The following FCGR3A variants were observed in gnomAD, a reference collection of about 807,000 sequenced individuals.
FCGR3A encodes Fc gamma receptor IIIa, also known as low affinity immunoglobulin gamma Fc region receptor III-A.
FCGR3A carries 13 observed loss-of-function variants against 24.1 expected under a neutral mutation model. The observed-to-expected ratio is 0.54, with a 90% confidence interval of 0.35 to 0.86. The LOEUF (loss-of-function observed/expected upper bound fraction) is 0.86. Ranked by LOEUF, FCGR3A falls within the 40% of genes least tolerant of loss-of-function variation. The pLI, the probability that FCGR3A is intolerant of heterozygous loss-of-function variation, is 0.01. For synonymous variants in FCGR3A, 93 were observed against 112.2 expected (o/e 0.83, Z 1.08); for missense variants, 235 against 298.0 (o/e 0.79, Z 1.56).
chr1:161,550,005 G>A (rs1392391687), upstream of FCGR3A: 1 of 744,798 alleles, frequency 1.3e-6, no homozygotes, highest in South Asian at 1.9e-5. Flanking sequence ...CTGTGGCTGA[G>A]CATCTGAGGA....
In FCGR3A at chr1:161,542,911, C is replaced by G; in HGVS notation, c.*101G>C. On this transcript the variant is annotated 3_prime_UTR_variant, in exon 5 of 5. Transcript: ENST00000443193. ...GATCTGGCTCTGAGTTCTATGTTTC[C>G]TGCTGCTTGTAGAGAGGCCTGAGGA... 1.1e-6 allele frequency: 1 copy of G among 908,752 alleles called. No individual in the cohort carries two copies. Among genetic ancestry groups the G allele is most frequent in the Non-Finnish European group, 1.7e-6 (1 of 596,024 alleles). 56.3% of individuals were successfully genotyped at this position (908,752 alleles called of 1,614,324 possible). A position where few individuals can be genotyped will look rare whatever the true frequency, so the allele number is the denominator to read the frequency against.
At chr1:161,550,072 TC>T (rs1344910671), upstream of FCGR3A, 6 of 593,656 alleles carry the variant, frequency 1.0e-5, no homozygotes, top group Non-Finnish European at 1.8e-5. Flanking sequence ...TTGCCCCATC[TC>T]CTGGATTTGG....
chr1:161,541,944 C>G lies in FCGR3A; in HGVS notation c.*1068G>C, dbSNP rs1309100716. On this transcript the variant is annotated 3_prime_UTR_variant, in exon 5 of 5. Coordinates refer to ENST00000443193, the MANE Select transcript of FCGR3A (RefSeq NM_000569.8). ...TCCATCCCCACCTCATTGGAACTGA[C>G]ATGATGAAGGATTTGAAAGTTTCAT... The G allele has an allele frequency of 6.6e-6, 1 of 152,200 alleles. No homozygotes were observed. Among genetic ancestry groups the G allele is most frequent in the African/African-American group, 2.4e-5 (1 of 41,386 alleles). 9.4% of individuals were successfully genotyped at this position (152,200 alleles called of 1,614,324 possible).
intron 1 of FCGR3A, 108 bp from the exon 2 acceptor site, chr1:161,549,139 A>G (rs1677618721): frequency 3.3e-6 from 3 of 900,832 alleles, no homozygotes; most frequent in East Asian, 2.6e-5. Context: ...CAGGAGCCCA[A>G]TTTTCCCAAG....
chr1:161,549,572 A>C, intron 1 of FCGR3A, 125 bp downstream of exon 1: 1 of 1,481,658 alleles, frequency 6.7e-7, no homozygotes, highest in South Asian at 1.4e-5. Flanking sequence ...AGCTCAATCC[A>C]CAGCTATAGA....
Position 161,543,027 on chromosome 1 carries a change from G to T in FCGR3A, c.750C>A (p.Asp250Glu), listed in dbSNP as rs1203281600. 8 of 1,611,928 alleles carry T rather than the reference G, an allele frequency of 5.0e-6. No individual in the cohort carries two copies. The highest frequency in any genetic ancestry group is 5.9e-6 in the Non-Finnish European group (7 of 1,178,850). ...GGGATGGGGGTCATTTGTCTTGAGG[G>T]TCCTTTCTCCATTTAAATTTATGGT... is the stretch of plus-strand genomic sequence containing the variant. ...WKDHKFKWRK[D>E]PQDK Residue 250 changes from aspartate (D) to glutamate (E), a missense_variant, in exon 5 of 5, where the codon GAC (aspartate) becomes GAA (glutamate). Physicochemically the swap from Asp to Glu is conservative, Grantham distance 45. Transcript: ENST00000443193.
At position 161,548,530 on chromosome 1, in the gene FCGR3A, C is replaced by T. The variant is rs1677562934; in HGVS notation, c.210G>A (p.Gln70=). ...CAGCGTCAATGAAGTAGCTCGAGGC[C>T]TGGCTTGAGATGAGGCTCTCATTGT... The part of the protein sequence containing the change: ...WFHNESLISS[Q]ASSYFIDAAT... Residue 70 remains glutamine, a synonymous_variant, in exon 3 of 5, where the codon CAG becomes CAA. Coordinates refer to ENST00000443193, the MANE Select transcript of FCGR3A (RefSeq NM_000569.8). 6.2e-7 allele frequency: 1 copy of T among 1,614,026 alleles called. No homozygotes were observed. The highest frequency in any genetic ancestry group is 8.5e-7 in the Non-Finnish European group (1 of 1,179,876).
At chr1:161,549,941 G>C, upstream of FCGR3A, 1 of 1,440,624 alleles carries the variant, frequency 6.9e-7, no homozygotes, top group Non-Finnish European at 9.4e-7. Flanking sequence ...GACCAGGAAG[G>C]AAAGAGCCTG....
At chr1:161,545,031 C>T (rs560683581) in intron 3 of FCGR3A, 73 bp from the exon 4 acceptor site, 1 of 1,567,326 alleles carries the variant, frequency 6.4e-7, no homozygotes, top group Admixed American at 1.9e-5. Context: ...GGGCCACGTA[C>T]CACCCAGATC....
intron 4 of FCGR3A, among the ~76,000 whole-genome samples, 177 bp from the exon 5 acceptor site, chr1:161,543,376 C>G (rs1677222540): frequency 1.3e-5 from 2 of 152,088 alleles, no homozygotes; most frequent in Non-Finnish European, 2.9e-5. Context: ...GATCTTAGTG[C>G]TATCTGAGCA....
Position 161,543,170 on chromosome 1 carries a change from A to T in FCGR3A, c.607T>A (p.Phe203Ile). ...AAAGAGACTTGGTACCCAGGTGGAA[A>T]GAATGATGAGATGGTTGACACTGCC... is the stretch of plus-strand genomic sequence containing the variant. ...GLAVSTISSF[F>I]PPGYQVSFCL... The change falls in exon 5 of 5, where the codon TTT (phenylalanine) becomes ATT (isoleucine). Residue 203 changes from phenylalanine (F) to isoleucine (I), a missense_variant. Physicochemically the swap from Phe to Ile is conservative, Grantham distance 21. Transcript: ENST00000443193. The T allele has an allele frequency of 6.2e-7, 1 of 1,613,472 alleles. No individual in the cohort carries two copies. The highest frequency in any genetic ancestry group is 1.7e-4 in the Middle Eastern group (1 of 6,056).
In FCGR3A at chr1:161,549,077, A is replaced by C. The variant is rs1557858248; in HGVS notation, c.41-46T>G. On this transcript the variant is annotated intron_variant, in intron 1 of 4. Coordinates refer to ENST00000443193, the MANE Select transcript of FCGR3A (RefSeq NM_000569.8). ...CAAATATTGAGTAGGGGCAGAGATCAGAGTGATTAGAACATAGAGTGAGTT... is the reference window on the plus strand; with the variant it reads ...CAAATATTGAGTAGGGGCAGAGATCCGAGTGATTAGAACATAGAGTGAGTT... 8.5e-6 allele frequency: 13 copies of C among 1,530,118 alleles called. 1 individual carries two copies. The highest frequency in any genetic ancestry group is 1.2e-5 in the Non-Finnish European group (13 of 1,111,140). The allele number at this position is 1,530,118 out of a possible 1,614,324, so 94.8% of individuals were successfully genotyped here.
chr1:161,548,534 C>G lies in FCGR3A; in HGVS notation c.206G>C (p.Ser69Thr). The part of the protein sequence containing the change: ...QWFHNESLIS[S>T]QASSYFIDAA... ...GTCAATGAAGTAGCTCGAGGCCTGG[C>G]TTGAGATGAGGCTCTCATTGTGAAA... The change falls in exon 3 of 5, where the codon AGC becomes ACC. Residue 69 changes from serine to threonine, a missense_variant. Transcript: ENST00000443193. 6.2e-7 allele frequency: 1 copy of G among 1,614,030 alleles called. No homozygotes were observed. The highest frequency in any genetic ancestry group is 1.1e-5 in the South Asian group (1 of 91,080).
chr1:161,543,672 G>C (rs1310770663), intron 4 of FCGR3A, among the ~76,000 whole-genome samples: 1 of 152,060 alleles, frequency 6.6e-6, no homozygotes, highest in Admixed American at 6.5e-5. Flanking sequence ...TACCCCATTT[G>C]CTTTATTTGC....
At chr1:161,548,190 T>C (rs1677527561) in intron 3 of FCGR3A, among the ~76,000 whole-genome samples, 2 of 152,422 alleles carry the variant, frequency 1.3e-5, no homozygotes, top group South Asian at 4.1e-4. Flanking sequence ...TGGGGATTCT[T>C]GGAATTGTGC....
chr1:161,546,429 T>C (rs975047479), intron 3 of FCGR3A, among the ~76,000 whole-genome samples: 5 of 152,070 alleles, frequency 3.3e-5, no homozygotes, highest in African/African-American at 1.2e-4. Flanking sequence ...TGACACACTG[T>C]GGACTGGAGA....
At position 161,544,767 on chromosome 1, in the gene FCGR3A, A is replaced by T. The variant is rs757854785; in HGVS notation, c.511T>A (p.Phe171Ile). Residue 171 changes from phenylalanine (F) to isoleucine (I), a missense_variant, in exon 4 of 5, where the codon TTC becomes ATC. By Grantham distance (21) the Phe-to-Ile change is conservative. Coordinates refer to ENST00000443193, the MANE Select transcript of FCGR3A (RefSeq NM_000569.8). ...KATLKDSGSY[F>I]CRGLFGSKNV... ...TTACTCCCAAAAAGCCCCCTGCAGAAGTAGGAGCCGCTGTCTTTGAGTGTG... is the reference window on the plus strand; with the variant it reads ...TTACTCCCAAAAAGCCCCCTGCAGATGTAGGAGCCGCTGTCTTTGAGTGTG... The T allele has an allele frequency of 1.1e-5, 18 of 1,613,314 alleles. No individual in the cohort carries two copies. The highest frequency in any genetic ancestry group is 1.5e-5 in the Non-Finnish European group (18 of 1,179,498).
chr1:161,549,925 G>C, upstream of FCGR3A: 5 of 1,526,066 alleles, frequency 3.3e-6, no homozygotes, highest in Non-Finnish European at 4.5e-6. Flanking sequence ...CCCCACCATA[G>C]AACAGGACCA....
rs369398343 is a variant in FCGR3A, at chr1:161,548,975, C to A, written c.61+36G>T. Reference sequence around the variant, plus strand: ...TATGGCCTTTGTCCCCATATGTGCCCCACTGGGTCAATCCAAGACCATGAA... The same window carrying A: ...TATGGCCTTTGTCCCCATATGTGCCACACTGGGTCAATCCAAGACCATGAA... On this transcript the variant is annotated intron_variant, in intron 2 of 4. Coordinates refer to ENST00000443193, the MANE Select transcript of FCGR3A (RefSeq NM_000569.8). The A allele has an allele frequency of 3.1e-6, 5 of 1,596,322 alleles. No homozygotes were observed. The East Asian group carries it at 1.1e-4, about 36-fold the overall frequency.
Sources: allele counts gnomAD v4.1 joint callset (sites outside exome capture counted in the v4.1 genomes callset), GRCh38; gene constraint gnomAD v4.1.1; transcripts MANE v1.5; gene names NCBI Gene and HGNC (gene_info 2026-07-23, HGNC 2026-07-21).